The following DST variants were observed in gnomAD, a reference collection of about 807,000 sequenced individuals.
The protein encoded by DST is dystonin.
DST carries 253 observed loss-of-function variants against 875.2 expected under a neutral mutation model. The ratio of observed to expected loss-of-function variants is 0.29; its 90% CI spans 0.26 to 0.32. DST has a LOEUF of 0.32. Ranked by LOEUF, DST falls within the 10% of genes least tolerant of loss-of-function variation. The probability of loss-of-function intolerance (pLI) is 1.00; values close to 1 mark genes in which losing one functional copy is unlikely to be tolerated. For synonymous variants in DST, 3,124 were observed against 3,197.1 expected (o/e 0.98, Z 0.77); for missense variants, 8,287 against 9,111.6 (o/e 0.91, Z 3.68).
chr6:56,893,562 C>CTTTTTTT (rs1282483681), intron 3 of DST, among the ~76,000 whole-genome samples: 37 of 35,896 alleles, frequency 1.0e-3, no homozygotes, highest in East Asian at 3.1e-3. Context: ...ACTTTTAGTT[C>CTTTTTTT]TTTTTTTTTT....
At chr6:56,715,077 A>G (rs936508606) in intron 5 of DST, among the ~76,000 whole-genome samples, 1 of 152,216 alleles carries the variant, frequency 6.6e-6, no homozygotes, top group Non-Finnish European at 1.5e-5. Flanking sequence ...CTTTTGTTGA[A>G]TAAACAAAAG....
intron 5 of DST, among the ~76,000 whole-genome samples, chr6:56,730,904 C>G (rs1317180914): frequency 6.6e-6 from 1 of 152,142 alleles, no homozygotes; most frequent in Non-Finnish European, 1.5e-5. Context: ...TTAAATACAT[C>G]TGGAAAAAAG....
Position 56,950,391 on chromosome 6 carries a change from C to A in DST, c.216+3394G>T, listed in dbSNP as rs9396239. Among the ~76,000 whole-genome samples the A allele has an allele frequency of 1.9e-4, 29 of 152,224 alleles. No individual in the cohort carries two copies. The South Asian group carries it at 5.8e-3, about 31-fold the overall frequency. On this transcript the variant is annotated intron_variant, in intron 2 of 103. Coordinates refer to ENST00000680361, the MANE Select transcript of DST (RefSeq NM_001374736.1). Reference sequence around the variant, plus strand: ...CATTCTACTGAAGTACTCCCAAGACCCTTTCTTATAATCTAATGGTACCTC... The same window carrying A: ...CATTCTACTGAAGTACTCCCAAGACACTTTCTTATAATCTAATGGTACCTC...
chr6:56,535,386 G>T, intron 62 of DST, 94 bp from the exon 63 acceptor site: 1 of 1,366,780 alleles, frequency 7.3e-7, no homozygotes, highest in Non-Finnish European at 9.6e-7. Context: ...ATTTTCCCGT[G>T]TGGTCACAAA....
intron 2 of DST, among the ~76,000 whole-genome samples, chr6:56,940,549 G>T (rs1334263126): frequency 6.6e-6 from 1 of 151,710 alleles, no homozygotes; most frequent in African/African-American, 2.4e-5. Flanking sequence ...GCATCAAGTT[G>T]TACAGTATAT....
In DST at chr6:56,560,327, C is replaced by T. The variant is rs773639256; in HGVS notation, c.14407G>A (p.Ala4803Thr). 1.4e-5 allele frequency: 23 copies of T among 1,611,346 alleles called. No homozygotes were observed. The African/African-American group carries it at 2.8e-4, about 20-fold the overall frequency. Reference protein sequence around the residue: ...LLEENPDTPEAPRWKQMLTEI... With the variant: ...LLEENPDTPETPRWKQMLTEI... ...GTCAACATCTGTTTCCATCTGGGGG[C>T]CTCAGGAGTATCTGGGTTCTCCTCC... The change falls in exon 58 of 104, where the codon GCC becomes ACC. Residue 4803 changes from alanine to threonine, a missense_variant. Physicochemically the swap from Ala to Thr is moderately conservative, Grantham distance 58. Coordinates refer to ENST00000680361, the MANE Select transcript of DST (RefSeq NM_001374736.1).
At chr6:56,920,895 A>ATTTTTTTTTTT (rs35394550) in intron 2 of DST, among the ~76,000 whole-genome samples, 1,684 of 59,656 alleles carry the variant, frequency 0.028, 217 homozygotes, top group Non-Finnish European at 0.041. Context: ...CGCCCAGCTA[A>ATTTTTTTTTTT]TTTTTTTTTT....
At chr6:56,749,116 C>T (rs1252168822) in intron 4 of DST, among the ~76,000 whole-genome samples, 1 of 152,006 alleles carries the variant, frequency 6.6e-6, no homozygotes, top group Admixed American at 6.5e-5. Context: ...CCTGTAATCC[C>T]AGCATTTTGG....
chr6:56,910,272 T>A (rs2127715444), intron 2 of DST, among the ~76,000 whole-genome samples: 1 of 152,178 alleles, frequency 6.6e-6, no homozygotes, highest in East Asian at 1.9e-4. Flanking sequence ...GCTCAAGTGA[T>A]CCCCCTTCTT....
rs1330699070 is a variant in DST at position 56,606,421 on chromosome 6, T to A, written c.8207A>T (p.Asp2736Val). Residue 2736 changes from aspartate (D) to valine (V), a missense_variant, in exon 40 of 104, where the codon GAT (aspartate) becomes GTT (valine). Transcript: ENST00000680361. Reference sequence around the variant, plus strand: ...ATAATCAGTCAATGAGTCAGATTCATCACCTTCAAGGATATTTGTGCATTC... The same window carrying A: ...ATAATCAGTCAATGAGTCAGATTCAACACCTTCAAGGATATTTGTGCATTC... Reference protein sequence around the residue: ...ERECTNILEGDESDSLTDYDI... With the variant: ...ERECTNILEGVESDSLTDYDI... 1 of 1,613,304 alleles carries A rather than the reference T, an allele frequency of 6.2e-7. No individual in the cohort carries two copies. Among genetic ancestry groups the A allele is most frequent in the Non-Finnish European group, 8.5e-7 (1 of 1,179,562 alleles).
chr6:56,472,288 C>T (rs557952519), intron 93 of DST, 66 bp from the exon 94 acceptor site: 7 of 1,475,962 alleles, frequency 4.7e-6, no homozygotes, highest in South Asian at 2.5e-5. Flanking sequence ...AAGGCTTGAC[C>T]TTTTTTGCTT....
In DST at chr6:56,609,225, C is replaced by G. The variant is rs2098523795; in HGVS notation, c.5403G>C (p.Gln1801His). Residue 1801 changes from glutamine to histidine, a missense_variant, in exon 40 of 104, where the codon CAG (glutamine) becomes CAC (histidine). Physicochemically the swap from Gln to His is conservative, Grantham distance 24. Transcript: ENST00000680361. ...GTGAAATTAGACCAGAAATCATTAG[C>G]TGTGTCTCAAGCAACCTAATTCCTG... is the stretch of plus-strand genomic sequence containing the variant. ...YDTGIRLLET[Q>H]LMISGLISPE... The G allele has an allele frequency of 1.2e-5, 19 of 1,613,744 alleles. No homozygotes were observed. Among genetic ancestry groups the G allele is most frequent in the Non-Finnish European group, 1.6e-5 (19 of 1,179,708 alleles).
Position 56,607,483 on chromosome 6 carries a change from T to C in DST, c.7145A>G (p.Asn2382Ser). Residue 2382 changes from asparagine (N) to serine (S), a missense_variant, in exon 40 of 104, where the codon AAT becomes AGT. Around this residue, in one of 10 missense-constraint regions of DST, gnomAD observed 3,138 missense variants for 3,116.6 expected, o/e 1.01. Transcript: ENST00000680361. ...QSRVETNERA[N>S]ECSHSKNIQN... ...AATGTTTTTAGAATGACTACATTCATTTGCACGTTCATTTGTTTCCACTCG... is the reference window on the plus strand; with the variant it reads ...AATGTTTTTAGAATGACTACATTCACTTGCACGTTCATTTGTTTCCACTCG... The C allele has an allele frequency of 6.3e-7, 1 of 1,598,274 alleles. No individual in the cohort carries two copies. The highest frequency in any genetic ancestry group is 8.5e-7 in the Non-Finnish European group (1 of 1,171,084).
chr6:56,510,624 T>C (rs1421430826), intron 73 of DST, among the ~76,000 whole-genome samples: 1 of 152,118 alleles, frequency 6.6e-6, no homozygotes, highest in Non-Finnish European at 1.5e-5. Context: ...CTATACTATC[T>C]CAAAGTTAAA....
chr6:56,601,947 T>C (rs1223618744), intron 43 of DST: 5 of 444,534 alleles, frequency 1.1e-5, no homozygotes, highest in African/African-American at 6.1e-5. Flanking sequence ...ACTTAAAATA[T>C]AACTCTGACA....
At position 56,615,254 on chromosome 6, in the gene DST, TA is replaced by T. The variant is rs3841165; in HGVS notation, c.4930-771del. 1.9e-3 allele frequency: 2,083 copies of T among 1,100,978 alleles called. 4 individuals are homozygous for T. The Admixed American group carries it at 0.021, about 11-fold the overall frequency. 68.2% of individuals were successfully genotyped at this position (1,100,978 alleles called of 1,614,324 possible). A position where few individuals can be genotyped will look rare whatever the true frequency, so the allele number is the denominator to read the frequency against. On this transcript the variant is annotated intron_variant, in intron 36 of 103. Coordinates refer to ENST00000680361, the MANE Select transcript of DST (RefSeq NM_001374736.1). ...CATCAAGTTTATCCCACATTCTACG[TA>T]AAAAAAAAAACATTTTAGTGTGGCC... is the stretch of plus-strand genomic sequence containing the variant.
At chr6:56,770,765 C>T (rs953052865) in intron 4 of DST, among the ~76,000 whole-genome samples, 6 of 152,102 alleles carry the variant, frequency 3.9e-5, no homozygotes, top group African/African-American at 1.2e-4. Flanking sequence ...CTTTGGGAGG[C>T]CGAGGTGGGT....
chr6:56,603,487 T>C, intron 41 of DST, 67 bp from the exon 42 acceptor site: 2 of 1,592,320 alleles, frequency 1.3e-6, no homozygotes, highest in African/African-American at 1.3e-5. Flanking sequence ...ACATGAAACA[T>C]AGAAGTGTTC....
rs2098463246 is a variant in DST, at chr6:56,603,385, A to G, written c.10977T>C (p.Ile3659=). Residue 3659 remains isoleucine, a synonymous_variant, in exon 42 of 104, where the codon ATT becomes ATC. Transcript: ENST00000680361. The stretch of plus-strand genomic sequence containing the variant: ...CTGCCAACTTCATATCTTTTCTTAA[A>G]ATAACAGCAATTGGAGCTAATCCCA... ...FELGLAPIAV[I]LRKDMKLAEE... 1 of 1,610,718 alleles carries G rather than the reference A, an allele frequency of 6.2e-7. No individual in the cohort carries two copies. Among genetic ancestry groups the G allele is most frequent in the Non-Finnish European group, 8.5e-7 (1 of 1,179,076 alleles).
Sources: allele counts gnomAD v4.1 joint callset (sites outside exome capture counted in the v4.1 genomes callset), GRCh38; gene constraint gnomAD v4.1.1; regional missense constraint gnomAD v4.1.1; transcripts MANE v1.5; gene names NCBI Gene and HGNC (gene_info 2026-07-23, HGNC 2026-07-21).